The following AGRN variants were observed in gnomAD, a reference collection of about 807,000 sequenced individuals.
The protein encoded by AGRN is agrin proteoglycan.
In AGRN, 106 loss-of-function variants were observed where a neutral mutation model predicts 211.0. The observed-to-expected ratio is 0.50, with a 90% CI of 0.43 to 0.59. The LOEUF (loss-of-function observed/expected upper bound fraction) is 0.59, where lower values mean the gene tolerates loss of function less well. Ranked by LOEUF, AGRN falls within the 20% of genes least tolerant of loss-of-function variation. AGRN has a pLI of 0.00. For missense variants in AGRN, 3,040 were observed against 2,982.6 expected, an observed-to-expected ratio of 1.02 and a Z score of -0.45; for synonymous variants, 1,525 against 1,332.5, an observed-to-expected ratio of 1.14 and a Z score of -3.15.
intron 1 of AGRN, among the ~76,000 whole-genome samples, chr1:1,020,853 G>GGT (rs935897355): frequency 2.0e-5 from 3 of 150,934 alleles, no homozygotes; most frequent in Non-Finnish European, 4.5e-5. Flanking sequence ...GGTGCGGGGG[G>GGT]GGGGCGTGCA....
In AGRN at chr1:1,049,362, T is replaced by C; in HGVS notation, c.4425T>C (p.Pro1475=). The C allele has an allele frequency of 1.3e-6, 2 of 1,597,190 alleles. No homozygotes were observed. Among genetic ancestry groups the C allele is most frequent in the Non-Finnish European group, 1.7e-6 (2 of 1,179,222 alleles). ...CCCTCTCGGTGGATGGTGAGACCCC[T>C]GTTCTGGGCGAGAGTCCCAGTGGCA... The part of the protein sequence containing the change: ...RGTLSVDGET[P]VLGESPSGTD... Residue 1475 remains proline, a synonymous_variant, in exon 25 of 36, where the codon CCT becomes CCC. Coordinates refer to ENST00000379370, the MANE Select transcript of AGRN (RefSeq NM_198576.4).
chr1:1,034,033 G>A (rs1193464264), intron 2 of AGRN: 3 of 784,438 alleles, frequency 3.8e-6, no homozygotes, highest in Non-Finnish European at 4.6e-6. Flanking sequence ...GGAGCTGGAG[G>A]GAGCCCGGGA....
chr1:1,044,479 C>T lies in AGRN; in HGVS notation c.2254+40C>T, dbSNP rs376645038. On this transcript the variant is annotated intron_variant, in intron 12 of 35. Coordinates refer to ENST00000379370, the MANE Select transcript of AGRN (RefSeq NM_198576.4). ...CGTGGGGTCTCAGGCACAGGCGGGG[C>T]GGCGTCTGGGTTTCCGTGTCTGGAT... 2.5e-4 allele frequency: 384 copies of T among 1,565,710 alleles called. 1 individual carries two copies. Among genetic ancestry groups the T allele is most frequent in the Non-Finnish European group, 2.6e-4 (295 of 1,154,586 alleles).
intron 2 of AGRN, among the ~76,000 whole-genome samples, chr1:1,024,170 T>G (rs1355081910): frequency 6.6e-6 from 1 of 151,912 alleles, no homozygotes; most frequent in Non-Finnish European, 1.5e-5. Context: ...ACCAGGGATA[T>G]CTCGGGTGGC....
chr1:1,040,756 G>A lies in AGRN; in HGVS notation c.603G>A (p.Pro201=), dbSNP rs113184997. Residue 201 remains proline, a synonymous_variant, in exon 4 of 36, where the codon CCG becomes CCA. Coordinates refer to ENST00000379370, the MANE Select transcript of AGRN (RefSeq NM_198576.4). ...GRASCVCKKS[P]CPSVVAPVCG... ...CGTCCTGCGTCTGCAAGAAGAGCCCGTGCCCCAGCGTGGTGGCGCCTGTGT... is the reference window on the plus strand; with the variant it reads ...CGTCCTGCGTCTGCAAGAAGAGCCCATGCCCCAGCGTGGTGGCGCCTGTGT... 1 of 1,542,596 alleles carries A rather than the reference G, an allele frequency of 6.5e-7. No homozygotes were observed. The highest frequency in any genetic ancestry group is 1.2e-5 in the South Asian group (1 of 84,084).
chr1:1,051,615 G>C lies in AGRN; in HGVS notation c.5533G>C (p.Gly1845Arg), dbSNP rs750311204. Residue 1845 changes from glycine (G) to arginine (R), a missense_variant, in exon 32 of 36, where the codon GGG (glycine) becomes CGG (arginine). Around this residue, in one of 3 missense-constraint regions of AGRN, gnomAD observed 1,537 missense variants for 1,505.0 expected, o/e 1.02. Transcript: ENST00000379370. ...GGCTGCCTATGTGTGCCTGTGTCCC[G>C]GGGGATTCTCAGGACCGCACTGCGA... ...REAAYVCLCP[G>R]GFSGPHCEKG... 1 of 1,609,296 alleles carries C rather than the reference G, an allele frequency of 6.2e-7. No homozygotes were observed. The highest frequency in any genetic ancestry group is 1.3e-5 in the African/African-American group (1 of 74,862).
In AGRN at chr1:1,032,988, G is replaced by A. The variant is rs969326618; in HGVS notation, c.464-2289G>A. Among the ~76,000 whole-genome samples the A allele has an allele frequency of 1.3e-5, 2 of 152,044 alleles. No individual in the cohort carries two copies. The highest frequency in any genetic ancestry group is 1.5e-5 in the Non-Finnish European group (1 of 67,980). On this transcript the variant is annotated intron_variant, in intron 2 of 35. Coordinates refer to ENST00000379370, the MANE Select transcript of AGRN (RefSeq NM_198576.4). This position sits in a 1 kb window ranked among gnomAD's most constrained non-coding sequence, Gnocchi z 4.7. ...GCGGCCAGGGAGAGGGGCGACCTACGGGGGCGGGTGTGGGGACGCCGGACT... is the reference window on the plus strand; with the variant it reads ...GCGGCCAGGGAGAGGGGCGACCTACAGGGGCGGGTGTGGGGACGCCGGACT...
chr1:1,020,216 C>G lies in AGRN; in HGVS notation c.44C>G (p.Pro15Arg), dbSNP rs764659938. The G allele has an allele frequency of 1.0e-3, 1,446 of 1,396,028 alleles. 2 individuals are homozygous for G. Among genetic ancestry groups the G allele is most frequent in the Non-Finnish European group, 1.3e-3 (1,391 of 1,077,158 alleles). The allele number at this position is 1,396,028 out of a possible 1,614,324, so 86.5% of individuals were successfully genotyped here. ...CCGGGCCCGCTGCGGCCGCTGCTGC[C>G]GCTCCTTGTGGTGGCCGCGTGCGTC... ...SHPGPLRPLL[P>R]LLVVAACVLP... The change falls in exon 1 of 36, where the codon CCG becomes CGG. Residue 15 changes from proline (P) to arginine (R), a missense_variant. By Grantham distance (103) the Pro-to-Arg change is moderately radical. Coordinates refer to ENST00000379370, the MANE Select transcript of AGRN (RefSeq NM_198576.4).
At position 1,045,144 on chromosome 1, in the gene AGRN, C is replaced by G. The variant is rs200841427; in HGVS notation, c.2255-17C>G. The G allele has an allele frequency of 9.3e-6, 15 of 1,609,896 alleles. No individual in the cohort carries two copies. The highest frequency in any genetic ancestry group is 1.3e-5 in the Non-Finnish European group (15 of 1,178,620). ...CCAGCACTGCATGAAATCTGAGTCC[C>G]GTACCCTTTCCTGCAGGCCCCACCT... On this transcript the variant is annotated splice_polypyrimidine_tract_variant and intron_variant, in intron 12 of 35. Coordinates refer to ENST00000379370, the MANE Select transcript of AGRN (RefSeq NM_198576.4).
In AGRN at chr1:1,046,096, G is replaced by C; in HGVS notation, c.2805+8G>C. 6.2e-7 allele frequency: 1 copy of C among 1,614,046 alleles called. No individual in the cohort carries two copies. Among genetic ancestry groups the C allele is most frequent in the Non-Finnish European group, 8.5e-7 (1 of 1,180,014 alleles). On this transcript the variant is annotated splice_region_variant and intron_variant, in intron 16 of 35. Transcript: ENST00000379370. ...GAGGCCAACGCTACCAAGGTGAGGG[G>C]TGTGGGATGTGAAGGGGAGTGGGGA...
At position 1,022,287 on chromosome 1, in the gene AGRN, C is replaced by G. The variant is rs369704878; in HGVS notation, c.288C>G (p.Gly96=). The G allele has an allele frequency of 4.3e-6, 7 of 1,613,208 alleles. No individual in the cohort carries two copies. The African/African-American group carries it at 9.3e-5, about 22-fold the overall frequency. ...GCGGCAACAAGGTGGTGATCAGCGGCTTTGGAGACCCCCTCATCTGTGACA... is the reference window on the plus strand; with the variant it reads ...GCGGCAACAAGGTGGTGATCAGCGGGTTTGGAGACCCCCTCATCTGTGACA... ...LDGGNKVVIS[G]FGDPLICDNQ... Residue 96 remains glycine, a synonymous_variant, in exon 2 of 36, where the codon GGC becomes GGG. Transcript: ENST00000379370.
intron 2 of AGRN, chr1:1,034,917 G>C: frequency 2.5e-6 from 1 of 403,976 alleles, no homozygotes; most frequent in East Asian, 4.5e-5. Flanking sequence ...CTTTCTGCGG[G>C]AGCTGGGGAG....
chr1:1,051,222 C>T (rs1384604047), intron 30 of AGRN, 31 bp from the exon 31 acceptor site: 7 of 1,570,548 alleles, frequency 4.5e-6, no homozygotes, highest in South Asian at 1.2e-5. Context: ...TGGGTGGGCT[C>T]TGCACAGCCA....
chr1:1,023,509 C>T lies in AGRN; in HGVS notation c.463+1047C>T, dbSNP rs919925915. Reference sequence around the variant, plus strand: ...ACTGGGAGGACATGATAACCTTGGTCCTCTTCTGGGCACTCATGGTCTGGG... The same window carrying T: ...ACTGGGAGGACATGATAACCTTGGTTCTCTTCTGGGCACTCATGGTCTGGG... On this transcript the variant is annotated intron_variant, in intron 2 of 35. Transcript: ENST00000379370. Among the ~76,000 whole-genome samples the T allele has an allele frequency of 3.3e-5, 5 of 152,062 alleles. No individual in the cohort carries two copies. In the South Asian group the frequency reaches 6.2e-4, roughly 19 times the overall value.
chr1:1,024,758 C>G (rs562321835), intron 2 of AGRN, among the ~76,000 whole-genome samples: 2 of 152,008 alleles, frequency 1.3e-5, no homozygotes, highest in African/African-American at 4.8e-5. Context: ...GCCCCTCCCC[C>G]AGTCAACAAC....
intron 3 of AGRN, among the ~76,000 whole-genome samples, chr1:1,035,837 T>G (rs1261725741): frequency 3.0e-5 from 4 of 132,472 alleles, no homozygotes; most frequent in East Asian, 2.4e-4. Context: ...CAGGCTGTCA[T>G]GGGGGGACAC....
chr1:1,020,845 T>TGTG (rs1644383023), intron 1 of AGRN, among the ~76,000 whole-genome samples: 1 of 12,818 alleles, frequency 7.8e-5, no homozygotes, highest in East Asian at 6.5e-3. Flanking sequence ...GCCGCAGTGG[T>TGTG]GCGGGGGGGG....
rs766000174 is a variant in AGRN, at chr1:1,049,332, G to C, written c.4395G>C (p.Arg1465=). 2 of 1,598,198 alleles carry C rather than the reference G, an allele frequency of 1.3e-6. No individual in the cohort carries two copies. Among genetic ancestry groups the C allele is most frequent in the Admixed American group, 3.3e-5 (2 of 59,936 alleles). ...HRLELSRHWR[R]GTLSVDGETP... ...TGGAGCTGTCCCGGCACTGGCGCCG[G>C]GGCACCCTCTCGGTGGATGGTGAGA... Residue 1465 remains arginine, a synonymous_variant, in exon 25 of 36, where the codon CGG becomes CGC. Coordinates refer to ENST00000379370, the MANE Select transcript of AGRN (RefSeq NM_198576.4).
chr1:1,030,927 G>A (rs13303157), intron 2 of AGRN, among the ~76,000 whole-genome samples: 1,834 of 32,574 alleles, frequency 0.056, 24 homozygotes, highest in East Asian at 0.21. Flanking sequence ...TGAGATCAGC[G>A]TGTGTGTGTG....
Sources: allele counts gnomAD v4.1 joint callset (sites outside exome capture counted in the v4.1 genomes callset), GRCh38; gene constraint gnomAD v4.1.1; regional missense constraint gnomAD v4.1.1; non-coding constraint Gnocchi (gnomAD v3.1); transcripts MANE v1.5; gene names NCBI Gene and HGNC (gene_info 2026-07-23, HGNC 2026-07-21).